Variants in DENND6B observed in about 807,000 individuals in gnomAD.
DENND6B encodes protein DENND6B.
A neutral mutation model predicts 85.1 loss-of-function variants in DENND6B; 73 were observed. The ratio of observed to expected loss-of-function variants is 0.86; its 90% CI spans 0.71 to 1.04. The LOEUF is 1.04. Among genes scored for constraint, DENND6B ranks in the 50% least tolerant of loss-of-function variants. DENND6B has a pLI of 0.00. For synonymous variants in DENND6B, 357 were observed against 329.3 expected, an observed-to-expected ratio of 1.08 and a Z score of -0.91; for missense variants, 715 against 785.8, an observed-to-expected ratio of 0.91 and a Z score of 1.08.
At chr22:50,326,563 GAA>G (rs1279523976) in intron 1 of DENND6B, among the ~76,000 whole-genome samples, 1 of 152,234 alleles carries the variant, frequency 6.6e-6, no homozygotes, top group Non-Finnish European at 1.5e-5. Context: ...GGGAAAAATC[GAA>G]AGAGTACCAC....
chr22:50,318,787 A>G lies in DENND6B; in HGVS notation c.259+60T>C. On this transcript the variant is annotated intron_variant, in intron 3 of 19. Coordinates refer to ENST00000413817, the MANE Select transcript of DENND6B (RefSeq NM_001001794.4). ...GAGGCAGCCATGATGCCCCTGGCCC[A>G]GGCTACAGGGATGCCCAGCTGGCTT... The G allele has an allele frequency of 1.9e-6, 3 of 1,600,706 alleles. No individual in the cohort carries two copies. In the Admixed American group the frequency reaches 5.1e-5, roughly 27 times the overall value.
intron 3 of DENND6B, among the ~76,000 whole-genome samples, chr22:50,318,471 A>G (rs1034453676): frequency 1.2e-4 from 19 of 152,284 alleles, no homozygotes; most frequent in African/African-American, 4.3e-4. Flanking sequence ...AGCACCTTCA[A>G]CTTCTCTGGG....
At chr22:50,314,547 G>A in intron 11 of DENND6B, 53 bp from the exon 12 acceptor site, 2 of 1,554,040 alleles carry the variant, frequency 1.3e-6, no homozygotes, top group Admixed American at 2.0e-5. Context: ...GGGAGGTGCA[G>A]GAAGGGCGAG....
chr22:50,313,603 C>A (rs1203764310), intron 15 of DENND6B, 32 bp downstream of exon 15: 8 of 1,537,880 alleles, frequency 5.2e-6, no homozygotes, highest in Non-Finnish European at 7.0e-6. Flanking sequence ...CCCGTGCCCC[C>A]CAGTCCCATG....
intron 1 of DENND6B, among the ~76,000 whole-genome samples, chr22:50,324,511 G>A (rs748745720): frequency 6.6e-6 from 1 of 152,134 alleles, no homozygotes; most frequent in African/African-American, 2.4e-5. Flanking sequence ...CACAACCTCC[G>A]CCTCCTGGGT....
chr22:50,309,236 CCT>C lies in DENND6B; in HGVS notation c.*2901_*2902del, dbSNP rs1217177240. On this transcript the variant is annotated 3_prime_UTR_variant, in exon 20 of 20. Coordinates refer to ENST00000413817, the MANE Select transcript of DENND6B (RefSeq NM_001001794.4). ...TTCCCACCCTCTAGGTTCTGTGGTCCCTGTCCTTCGGGAGGCCTGTGACCACA... is the reference window on the plus strand; with the variant it reads ...TTCCCACCCTCTAGGTTCTGTGGTCCGTCCTTCGGGAGGCCTGTGACCACA... 6.6e-6 allele frequency: 1 copy of C among 152,242 alleles called. No individual in the cohort carries two copies. Among genetic ancestry groups the C allele is most frequent in the Non-Finnish European group, 1.5e-5 (1 of 68,056 alleles). 9.4% of individuals were successfully genotyped at this position (152,242 alleles called of 1,614,324 possible). A position where few individuals can be genotyped will look rare whatever the true frequency, so the allele number is the denominator to read the frequency against.
At chr22:50,313,583 TCCCCCCAGCCCCGTG>T in intron 15 of DENND6B, 37 bp downstream of exon 15, 3 of 175,284 alleles carry the variant, frequency 1.7e-5, no homozygotes, top group Middle Eastern at 2.5e-3. Context: ...CCCAACCCCA[TCCCCCCAGCCCCGTG>T]CCCCCCAGTC....
At chr22:50,320,466 CT>C in intron 1 of DENND6B, among the ~76,000 whole-genome samples, 1 of 152,356 alleles carries the variant, frequency 6.6e-6, no homozygotes, top group East Asian at 1.9e-4. Flanking sequence ...CAGAGTAAGT[CT>C]CTCTAAGGAC....
chr22:50,318,025 G>A lies in DENND6B; in HGVS notation c.260-5C>T, dbSNP rs747488541. On this transcript the variant is annotated splice_region_variant and splice_polypyrimidine_tract_variant and intron_variant, in intron 3 of 19. Coordinates refer to ENST00000413817, the MANE Select transcript of DENND6B (RefSeq NM_001001794.4). ...ACTGAGTGTCTCCAAGGCAGCCTAA[G>A]AAGGGGCAGCCCCACCACACGGGTC... 6.2e-6 allele frequency: 10 copies of A among 1,611,782 alleles called. No individual in the cohort carries two copies. The East Asian group carries it at 1.8e-4, about 29-fold the overall frequency.
intron 16 of DENND6B, 135 bp from the exon 17 acceptor site, chr22:50,313,243 G>A: frequency 8.7e-7 from 1 of 1,144,902 alleles, no homozygotes; most frequent in Non-Finnish European, 1.2e-6. Flanking sequence ...TCCCAGGACA[G>A]CCTTTCCCAG....
chr22:50,326,938 G>A lies in DENND6B; in HGVS notation c.51C>T (p.Gly17=), dbSNP rs926597495. ...GACCTGAAGACGTGGGTCCAGCCGC[G>A]CCCAGGCAGCCGCGAGCCCGGCGAG... The part of the protein sequence containing the change: ...TGPRRARGCL[G]AAGPTSSGRA... The change falls in exon 1 of 20, where the codon GGC becomes GGT. Residue 17 remains glycine (G), a synonymous_variant. Coordinates refer to ENST00000413817, the MANE Select transcript of DENND6B (RefSeq NM_001001794.4). The A allele has an allele frequency of 6.7e-5, 87 of 1,296,606 alleles. No individual in the cohort carries two copies. The highest frequency in any genetic ancestry group is 8.0e-5 in the Non-Finnish European group (82 of 1,027,926). The allele number at this position is 1,296,606 out of a possible 1,614,324, so 80.3% of individuals were successfully genotyped here.
At position 50,313,643 on chromosome 22, in the gene DENND6B, T is replaced by C; in HGVS notation, c.1285A>G (p.Ile429Val). The change falls in exon 15 of 20, where the codon ATC becomes GTC. Residue 429 changes from isoleucine to valine, a missense_variant. Ile to Val is a conservative substitution (Grantham distance 29). Coordinates refer to ENST00000413817, the MANE Select transcript of DENND6B (RefSeq NM_001001794.4). ...HLLELTQSFIIPLEHYMASLM... is the reference protein window; with the variant it reads ...HLLELTQSFIVPLEHYMASLM... The stretch of plus-strand genomic sequence containing the variant: ...CCAGCCCCGGGCCTCACCAGGGGGA[T>C]GATGAAGCTCTGGGTGAGCTCCAGG... The C allele has an allele frequency of 6.4e-7, 1 of 1,565,198 alleles. No individual in the cohort carries two copies. The highest frequency in any genetic ancestry group is 8.6e-7 in the Non-Finnish European group (1 of 1,158,296).
At position 50,317,341 on chromosome 22, in the gene DENND6B, G is replaced by A. The variant is rs1475604552; in HGVS notation, c.405C>T (p.Tyr135=). ...REPAHYFGYV[Y]FRQVKDSSVK... The stretch of plus-strand genomic sequence containing the variant: ...CAGAGCTGTCCTTCACCTGCCTGAA[G>A]TACACGTAGCCGAAGTAGTGTGCCG... The change falls in exon 5 of 20, where the codon TAC becomes TAT. Residue 135 remains tyrosine (Y), a synonymous_variant. Transcript: ENST00000413817. 1.2e-6 allele frequency: 2 copies of A among 1,613,010 alleles called. No individual in the cohort carries two copies.
intron 13 of DENND6B, 83 bp downstream of exon 13, chr22:50,314,124 T>C: frequency 6.8e-7 from 1 of 1,472,860 alleles, no homozygotes; most frequent in Non-Finnish European, 9.0e-7. Flanking sequence ...TCTGGGGGCC[T>C]GGCTGCCCCA....
chr22:50,318,910 G>A lies in DENND6B; in HGVS notation c.217-21C>T, dbSNP rs762731289. The A allele has an allele frequency of 1.9e-6, 3 of 1,612,264 alleles. No homozygotes were observed. The African/African-American group carries it at 4.0e-5, about 22-fold the overall frequency. On this transcript the variant is annotated intron_variant, in intron 2 of 19. Transcript: ENST00000413817. ...CTTTTCTGAAACATATAAAACCCCG[G>A]TGAGGGCCGACCCACTCCTGGGTCC... is the stretch of plus-strand genomic sequence containing the variant.
chr22:50,315,210 C>T, intron 9 of DENND6B: 1 of 442,222 alleles, frequency 2.3e-6, no homozygotes, highest in Non-Finnish European at 4.2e-6. Flanking sequence ...GCAGGGTCTG[C>T]TGACCTGGGC....
chr22:50,326,679 G>T, intron 1 of DENND6B, 133 bp downstream of exon 1: 1 of 771,276 alleles, frequency 1.3e-6, no homozygotes, highest in Non-Finnish European at 1.8e-6. Context: ...GCCCGGAGAA[G>T]AGGCCCCTCC....
At chr22:50,319,315 C>T in intron 1 of DENND6B, 1 of 985,404 alleles carries the variant, frequency 1.0e-6, no homozygotes. Flanking sequence ...GGGCAACTCC[C>T]CTGCCGGCCA....
In DENND6B at chr22:50,309,404, G is replaced by C. The variant is rs2068031501; in HGVS notation, c.*2735C>G. 2 of 152,392 alleles carry C rather than the reference G, an allele frequency of 1.3e-5. No homozygotes were observed. Among genetic ancestry groups the C allele is most frequent in the African/African-American group, 2.4e-5 (1 of 41,456 alleles). The allele number at this position is 152,392 out of a possible 1,614,324, so 9.4% of individuals were successfully genotyped here. ...CCTGGCCTGGAGTGCGTGGGGCGGG[G>C]AGGGCCATGGCCTAGCCCTGGACAG... On this transcript the variant is annotated 3_prime_UTR_variant, in exon 20 of 20. Coordinates refer to ENST00000413817, the MANE Select transcript of DENND6B (RefSeq NM_001001794.4).
Sources: gnomAD v4.1 joint callset for allele counts (sites outside exome capture counted in the v4.1 genomes callset) on GRCh38, gnomAD v4.1.1 for gene constraint, MANE v1.5 for transcripts, NCBI Gene and HGNC (gene_info 2026-07-23, HGNC 2026-07-21) for gene names.